The following MBD5 variants were observed in gnomAD, a reference collection of about 807,000 sequenced individuals.
The protein encoded by MBD5 is methyl-CpG binding domain protein 5, also known as methyl-CpG-binding domain protein 5.
A neutral mutation model predicts 117.3 loss-of-function variants in MBD5; 13 were observed. The observed-to-expected ratio is 0.11, with a 90% CI of 0.07 to 0.18. MBD5 has a LOEUF of 0.18. Among genes scored for constraint, MBD5 ranks in the 10% least tolerant of loss-of-function variants. The pLI, the probability that MBD5 is intolerant of heterozygous loss-of-function variation, is 1.00. For synonymous variants in MBD5, 727 were observed against 766.4 expected (o/e 0.95, Z 0.85); for missense variants, 1,879 against 2,093.8 (o/e 0.90, Z 2.00).
In MBD5 at chr2:148,483,255, T is replaced by C. The variant is rs577849920; in HGVS notation, c.2664T>C (p.Asp888=). ...PLQSQLPIGS[D]FPFVGQEHAL... ...AGAGTCAGCTACCCATTGGGAGTGA[T>C]TTTCCTTTTGTTGGCCAGGAGCACG... Residue 888 remains aspartate, a synonymous_variant, in exon 9 of 14, where the codon GAT becomes GAC. Transcript: ENST00000642680. The C allele has an allele frequency of 6.2e-7, 1 of 1,614,030 alleles. No homozygotes were observed. The highest frequency in any genetic ancestry group is 1.1e-5 in the South Asian group (1 of 91,054).
chr2:148,411,061 C>T (rs561771728), intron 4 of MBD5, among the ~76,000 whole-genome samples: 1 of 152,218 alleles, frequency 6.6e-6, no homozygotes, highest in South Asian at 2.1e-4. Flanking sequence ...TTCTTTGTGT[C>T]CCTGTGTACT....
intron 3 of MBD5, among the ~76,000 whole-genome samples, chr2:148,276,774 G>T (rs1701123933): frequency 6.6e-6 from 1 of 151,968 alleles, no homozygotes; most frequent in Admixed American, 6.6e-5. Flanking sequence ...ACATAAATCT[G>T]TTTCACAAAG....
chr2:148,509,982 T>C, intron 12 of MBD5, 78 bp from the exon 13 acceptor site: 1 of 1,186,230 alleles, frequency 8.4e-7, no homozygotes, highest in Non-Finnish European at 1.2e-6. Flanking sequence ...TTGGTACTTT[T>C]GTTTTCTGAT....
chr2:148,516,666 C>T lies in MBD5; in HGVS notation c.*3725C>T, dbSNP rs1452077147. On this transcript the variant is annotated 3_prime_UTR_variant, in exon 14 of 14. Coordinates refer to ENST00000642680, the MANE Select transcript of MBD5 (RefSeq NM_001378120.1). Reference sequence around the variant, plus strand: ...ATAAACAACTCGAGCATGGGAAATCCTGCTAACAGTGGGGAGTCTGATATA... The same window carrying T: ...ATAAACAACTCGAGCATGGGAAATCTTGCTAACAGTGGGGAGTCTGATATA... 6.6e-6 allele frequency: 1 copy of T among 152,142 alleles called. No homozygotes were observed. The highest frequency in any genetic ancestry group is 1.5e-5 in the Non-Finnish European group (1 of 68,026). The allele number at this position is 152,142 out of a possible 1,614,324, so 9.4% of individuals were successfully genotyped here. A position where few individuals can be genotyped will look rare whatever the true frequency, so the allele number is the denominator to read the frequency against.
At chr2:148,134,180 TGATA>T (rs767630503) in intron 1 of MBD5, among the ~76,000 whole-genome samples, 20 of 151,628 alleles carry the variant, frequency 1.3e-4, no homozygotes, top group Non-Finnish European at 2.2e-4. Context: ...TTTATTTTCA[TGATA>T]GATAGATAGA....
chr2:148,271,507 A>G (rs1272714572), intron 3 of MBD5, among the ~76,000 whole-genome samples: 2 of 152,146 alleles, frequency 1.3e-5, no homozygotes, highest in African/African-American at 4.8e-5. Flanking sequence ...ATATTTCAGC[A>G]CTGTGTTATT....
intron 3 of MBD5, among the ~76,000 whole-genome samples, chr2:148,302,978 A>G (rs372309463): frequency 3.3e-4 from 49 of 148,796 alleles, no homozygotes; most frequent in African/African-American, 1.1e-3. Flanking sequence ...ATACATTATT[A>G]TATATATTAT....
chr2:148,490,642 T>A (rs754494519), intron 11 of MBD5, 48 bp downstream of exon 11: 3 of 1,605,564 alleles, frequency 1.9e-6, no homozygotes, highest in South Asian at 1.1e-5. Context: ...TGTTCAGATA[T>A]CAATTATTGC....
chr2:148,095,042 T>TAA (rs879826634), intron 1 of MBD5, among the ~76,000 whole-genome samples: 1 of 152,226 alleles, frequency 6.6e-6, no homozygotes, highest in Non-Finnish European at 1.5e-5. Context: ...AGGGTATAAA[T>TAA]AATAAATGAA....
intron 1 of MBD5, among the ~76,000 whole-genome samples, chr2:148,081,144 A>G (rs917647900): frequency 2.0e-5 from 3 of 152,206 alleles, no homozygotes; most frequent in African/African-American, 7.2e-5. Context: ...GCAATCTTCA[A>G]AATTAATGTC....
chr2:148,206,483 CCTTCT>C (rs934882794), intron 2 of MBD5, among the ~76,000 whole-genome samples: 3 of 152,072 alleles, frequency 2.0e-5, no homozygotes, highest in Admixed American at 6.6e-5. Context: ...ACATTTCAAA[CCTTCT>C]CTTCTAGCTA....
chr2:148,241,112 C>T (rs1363169605), intron 3 of MBD5, among the ~76,000 whole-genome samples: 1 of 151,838 alleles, frequency 6.6e-6, no homozygotes, highest in Non-Finnish European at 1.5e-5. Context: ...CTTTACATTT[C>T]TAAGAAATTT....
intron 3 of MBD5, among the ~76,000 whole-genome samples, chr2:148,290,702 T>C (rs1179551074): frequency 6.6e-6 from 1 of 152,236 alleles, no homozygotes; most frequent in Non-Finnish European, 1.5e-5. Flanking sequence ...ATTTTTTCAT[T>C]TCTATTACCA....
intron 4 of MBD5, among the ~76,000 whole-genome samples, chr2:148,412,334 T>TAG (rs1019478803): frequency 2.7e-5 from 4 of 150,316 alleles, no homozygotes; most frequent in African/African-American, 7.4e-5. Context: ...TGTATATATA[T>TAG]AGAGAGAGAG....
chr2:148,162,340 CTCAT>C (rs1360162178), intron 1 of MBD5, among the ~76,000 whole-genome samples: 1 of 152,188 alleles, frequency 6.6e-6, no homozygotes, highest in Non-Finnish European at 1.5e-5. Context: ...CTTATCTTCA[CTCAT>C]TCATTGTCTC....
At chr2:148,355,710 G>A (rs1291402275) in intron 4 of MBD5, among the ~76,000 whole-genome samples, 5 of 152,144 alleles carry the variant, frequency 3.3e-5, no homozygotes, top group Non-Finnish European at 7.4e-5. Flanking sequence ...AAGTCCAGTA[G>A]TGTGATGCCT....
intron 1 of MBD5, among the ~76,000 whole-genome samples, chr2:148,134,088 T>A (rs1341979386): frequency 6.6e-6 from 1 of 152,140 alleles, no homozygotes; most frequent in East Asian, 1.9e-4. Context: ...ATATGAAATT[T>A]TTTTTCTGCT....
chr2:148,205,369 C>T lies in MBD5; in HGVS notation c.-831+26576C>T, dbSNP rs756430297. ...CTTCCCAAATTGCTGGGATTACAGG[C>T]GTGGACTAATTTTCTCATCTTTAAT... On this transcript the variant is annotated intron_variant, in intron 2 of 13. Coordinates refer to ENST00000642680, the MANE Select transcript of MBD5 (RefSeq NM_001378120.1). Among the ~76,000 whole-genome samples, 4 of 152,176 alleles carry T rather than the reference C, an allele frequency of 2.6e-5. 1 individual carries two copies. The highest frequency in any genetic ancestry group is 6.5e-5 in the Admixed American group (1 of 15,294).
chr2:148,493,045 T>C (rs1442125394), intron 11 of MBD5, among the ~76,000 whole-genome samples: 1 of 151,124 alleles, frequency 6.6e-6, no homozygotes, highest in Non-Finnish European at 1.5e-5. Context: ...ATTGCCTTAG[T>C]TTACCTTCTG....
Sources: allele counts gnomAD v4.1 joint callset (sites outside exome capture counted in the v4.1 genomes callset), GRCh38; gene constraint gnomAD v4.1.1; transcripts MANE v1.5; gene names NCBI Gene and HGNC (gene_info 2026-07-23, HGNC 2026-07-21).